Variants in CEP15 observed in about 807,000 individuals in gnomAD.
CEP15 encodes the protein centrosomal protein 15.
At chr3:62,321,412 G>A in the CEP15 span, among the ~76,000 whole-genome samples, 2 of 151,894 alleles carry the variant, frequency 1.3e-5, no homozygotes, top group Non-Finnish European at 2.9e-5. This position sits in a 1 kb window ranked among gnomAD's most constrained non-coding sequence, Gnocchi z 4.1. Flanking sequence ...CTTTCTCTTG[G>A]AAAAAGAGGG....
chr3:62,334,393 A>ACAG, the CEP15 span: 5 of 152,160 alleles, frequency 3.3e-5, no homozygotes, highest in Non-Finnish European at 5.9e-5. The surrounding 1 kb of genome is among the most constrained non-coding windows in gnomAD (Gnocchi z 4.9). Flanking sequence ...AGCTAAATAC[A>ACAG]CAGCAACAAC....
chr3:62,333,573 A>G, the CEP15 span: 2 of 584,706 alleles, frequency 3.4e-6, no homozygotes, highest in South Asian at 5.1e-5. This position sits in a 1 kb window ranked among gnomAD's most constrained non-coding sequence, Gnocchi z 4.0. Flanking sequence ...TTTCAAGGTC[A>G]TGAATTTGCT....
chr3:62,327,102 A>G, the CEP15 span, among the ~76,000 whole-genome samples: 1 of 152,196 alleles, frequency 6.6e-6, no homozygotes, highest in African/African-American at 2.4e-5. Context: ...TTATGTGTAA[A>G]GGAATTAGGT....
At chr3:62,335,425 T>C in the CEP15 span, 1 of 145,880 alleles carries the variant, frequency 6.9e-6, no homozygotes, top group Non-Finnish European at 1.5e-5. Flanking sequence ...CCCCACCTTG[T>C]AGACTGTAAC....
At chr3:62,335,896 G>T in the CEP15 span, 2 of 151,984 alleles carry the variant, frequency 1.3e-5, no homozygotes, top group Non-Finnish European at 2.9e-5. Flanking sequence ...CTAAAGATCA[G>T]AAGAAGCTAC....
the CEP15 span, among the ~76,000 whole-genome samples, chr3:62,328,718 T>C: frequency 6.6e-6 from 1 of 152,166 alleles, no homozygotes; most frequent in Non-Finnish European, 1.5e-5. Context: ...ACATCTTATT[T>C]ATGCATTTAA....
chr3:62,320,038 A>T, the CEP15 span, among the ~76,000 whole-genome samples: 1 of 152,244 alleles, frequency 6.6e-6, no homozygotes, highest in Non-Finnish European at 1.5e-5. Context: ...TTGAATTTCC[A>T]GTTGGTTCTC....
At chr3:62,324,655 A>G in the CEP15 span, among the ~76,000 whole-genome samples, 1 of 152,144 alleles carries the variant, frequency 6.6e-6, no homozygotes, top group Non-Finnish European at 1.5e-5. Context: ...CCTTAATTTA[A>G]AGATGAGGAA....
the CEP15 span, chr3:62,331,229 T>C: frequency 1.0e-6 from 1 of 983,856 alleles, no homozygotes; most frequent in South Asian, 1.4e-5. Flanking sequence ...CAGAGAAGAG[T>C]TGAGGTGAGA....
the CEP15 span, among the ~76,000 whole-genome samples, chr3:62,331,944 G>A: frequency 1.3e-5 from 2 of 152,090 alleles, no homozygotes; most frequent in African/African-American, 2.4e-5. Context: ...TACTACATAT[G>A]GAATAGTTTC....
At chr3:62,333,251 C>T in the CEP15 span, 1 of 1,598,252 alleles carries the variant, frequency 6.3e-7, no homozygotes, top group Non-Finnish European at 8.5e-7. This position sits in a 1 kb window ranked among gnomAD's most constrained non-coding sequence, Gnocchi z 4.0. Context: ...ATTTTTTTTT[C>T]CAGACTCGTT....
the CEP15 span, among the ~76,000 whole-genome samples, chr3:62,330,958 TTTA>T: frequency 0.027 from 4,033 of 152,146 alleles, 74 homozygotes; most frequent in South Asian, 0.065. Context: ...ATCTGAATAT[TTTA>T]TTATTTTATC....
the CEP15 span, chr3:62,331,372 TC>T: frequency 2.5e-6 from 4 of 1,612,928 alleles, no homozygotes; most frequent in Non-Finnish European, 3.4e-6. Context: ...TTCACCCACT[TC>T]CACGGCCTGA....
the CEP15 span, chr3:62,331,277 T>G: frequency 7.1e-6 from 11 of 1,542,712 alleles, no homozygotes; most frequent in African/African-American, 1.5e-4. Context: ...AGGTGCCATT[T>G]GTTTTATGTA....
the CEP15 span, among the ~76,000 whole-genome samples, chr3:62,326,781 C>G: frequency 6.6e-6 from 1 of 152,164 alleles, no homozygotes; most frequent in Admixed American, 6.5e-5. Context: ...TCCCCAACCA[C>G]TCAGATTATT....
At chr3:62,333,285 A>T in the CEP15 span, 1 of 1,610,784 alleles carries the variant, frequency 6.2e-7, no homozygotes, top group Non-Finnish European at 8.5e-7. This position sits in a 1 kb window ranked among gnomAD's most constrained non-coding sequence, Gnocchi z 4.0. Context: ...AGAAGAATAT[A>T]TTCCCAAATG....
chr3:62,326,954 C>A, the CEP15 span, among the ~76,000 whole-genome samples: 1 of 152,158 alleles, frequency 6.6e-6, no homozygotes, highest in Non-Finnish European at 1.5e-5. Flanking sequence ...CTCAAGTATT[C>A]AGTCAGAGTT....
chr3:62,319,506 G>A, the CEP15 span: 5 of 152,224 alleles, frequency 3.3e-5, no homozygotes, highest in African/African-American at 1.2e-4. Context: ...ACGCCCAGAG[G>A]AGGAAACCTA....
chr3:62,320,451 TTA>T, the CEP15 span: 1 of 1,607,450 alleles, frequency 6.2e-7, no homozygotes, highest in Non-Finnish European at 8.5e-7. Context: ...TTTTTATTCT[TTA>T]TGACAGCTTT....
Sources: gnomAD v4.1 joint callset for allele counts (sites outside exome capture counted in the v4.1 genomes callset) on GRCh38, gnomAD v4.1.1 for gene constraint, Gnocchi (gnomAD v3.1) non-coding constraint, MANE v1.5 for transcripts, NCBI Gene and HGNC (gene_info 2026-07-23, HGNC 2026-07-21) for gene names.